MOV10L1: variants seen among roughly 807,000 people sequenced by gnomAD.
MOV10L1 encodes Mov10 like RNA helicase 1.
In MOV10L1, 110 loss-of-function variants were observed where a neutral mutation model predicts 143.8. The observed-to-expected ratio is 0.76, with a 90% CI of 0.66 to 0.90. MOV10L1 has a LOEUF of 0.90. Ranked by LOEUF, MOV10L1 falls within the 40% of genes least tolerant of loss-of-function variation. The pLI is 0.00. For missense variants in MOV10L1, 1,406 were observed against 1,526.8 expected (o/e 0.92, Z 1.32); for synonymous variants, 593 against 581.1 (o/e 1.02, Z -0.29).
chr22:50,127,632 G>A (rs6010139), intron 12 of MOV10L1, among the ~76,000 whole-genome samples: 142 of 152,332 alleles, frequency 9.3e-4, no homozygotes, highest in African/African-American at 3.2e-3. Context: ...AGAAGAGCTT[G>A]AGCTCCTTTT....
chr22:50,147,125 C>T (rs1277615906), intron 19 of MOV10L1: 2 of 1,586,898 alleles, frequency 1.3e-6, no homozygotes, highest in Non-Finnish European at 1.7e-6. Context: ...CTGCATGGAC[C>T]CTGCACCCTG....
chr22:50,133,948 C>A (rs1451629316), intron 13 of MOV10L1, 59 bp from the exon 14 acceptor site: 13 of 1,435,044 alleles, frequency 9.1e-6, no homozygotes, highest in Non-Finnish European at 1.3e-5. Flanking sequence ...TTACCTTATG[C>A]CAGCCTTAAT....
rs1054644205 is a variant in MOV10L1, at chr22:50,131,918, A to G, written c.1911-2089A>G. ...TATAAACAACAGAAATGTATTTCTC[A>G]TGCTCTGGAGGTCAGGAAGCCCAAG... is the stretch of plus-strand genomic sequence containing the variant. On this transcript the variant is annotated intron_variant, in intron 13 of 26. Coordinates refer to ENST00000262794, the MANE Select transcript of MOV10L1 (RefSeq NM_018995.3). 3.9e-5 allele frequency among the ~76,000 whole-genome samples: 6 copies of G among 152,294 alleles called. No individual in the cohort carries two copies. In the East Asian group the frequency reaches 1.2e-3, roughly 29 times the overall value.
At chr22:50,139,875 C>T (rs138260) in intron 15 of MOV10L1, among the ~76,000 whole-genome samples, 39,329 of 152,078 alleles carry the variant, frequency 0.26, 5,603 homozygotes, top group Non-Finnish European at 0.32. Flanking sequence ...TTGGTGAGCC[C>T]GTGGGGCCGC....
At position 50,148,292 on chromosome 22, in the gene MOV10L1, G is replaced by T. The variant is rs180727541; in HGVS notation, c.2628-1323G>T. On this transcript the variant is annotated intron_variant, in intron 19 of 26. Transcript: ENST00000262794. ...CTGACCACAGAGCAGAAGCTGCTGG[G>T]GTGGGCGAGCCAGGGAAGCCGGGGC... Among the ~76,000 whole-genome samples the T allele has an allele frequency of 2.7e-3, 409 of 152,362 alleles. 1 individual carries two copies. The highest frequency in any genetic ancestry group is 9.4e-3 in the African/African-American group (389 of 41,580).
In MOV10L1 at chr22:50,113,658, C is replaced by G. The variant is rs777373299; in HGVS notation, c.754C>G (p.Pro252Ala). 7.4e-6 allele frequency: 12 copies of G among 1,613,370 alleles called. No homozygotes were observed. The highest frequency in any genetic ancestry group is 1.3e-5 in the African/African-American group (1 of 74,838). Residue 252 changes from proline to alanine, a missense_variant, in exon 6 of 27, where the codon CCT becomes GCT. By Grantham distance (27) the Pro-to-Ala change is conservative (BLOSUM62 -1). This residue lies in a region of MOV10L1 where 1,233 missense variants were observed against 1,351.4 expected (regional missense o/e 0.91). Transcript: ENST00000262794. ...MTLVKRRDAA[P>A]VHEATHFYGT... ...GGGCTCTTTTTTCAGAGACGCCGCC[C>G]CTGTTCATGAGGCCACTCATTTCTA... is the stretch of plus-strand genomic sequence containing the variant.
chr22:50,156,340 T>G (rs977619415), intron 22 of MOV10L1, among the ~76,000 whole-genome samples: 1 of 152,108 alleles, frequency 6.6e-6, no homozygotes, highest in African/African-American at 2.4e-5. Context: ...GGTCTCGAAC[T>G]CTTGACCTCA....
intron 3 of MOV10L1, among the ~76,000 whole-genome samples, chr22:50,107,026 C>T (rs1166376712): frequency 6.7e-6 from 1 of 150,332 alleles, no homozygotes; most frequent in Admixed American, 6.6e-5. Context: ...TAAAATACTC[C>T]CTGACCTTGA....
chr22:50,114,392 A>T lies in MOV10L1; in HGVS notation c.896A>T (p.Asp299Val). 1 of 1,613,894 alleles carries T rather than the reference A, an allele frequency of 6.2e-7. No individual in the cohort carries two copies. The highest frequency in any genetic ancestry group is 8.5e-7 in the Non-Finnish European group (1 of 1,179,844). ...TMVIWIENKG[D>V]IPQNLVSCKL... ...TTGTATTTTTCCAGGAATAAAGGAG[A>T]CATTCCTCAAAACTTAGTCAGCTGT... The change falls in exon 7 of 27, where the codon GAC becomes GTC. Residue 299 changes from aspartate (D) to valine (V), a missense_variant. By Grantham distance (152) the Asp-to-Val change is radical. Coordinates refer to ENST00000262794, the MANE Select transcript of MOV10L1 (RefSeq NM_018995.3).
In MOV10L1 at chr22:50,143,101, T is replaced by C; in HGVS notation, c.2238T>C (p.Asn746=). The C allele has an allele frequency of 2.5e-6, 4 of 1,614,220 alleles. No individual in the cohort carries two copies. The South Asian group carries it at 3.3e-5, about 13-fold the overall frequency. ...TGGAGTTTTTCAACCCAGTGCTAAA[T>C]GAAAATCAGAAGTTAGCAGTTAAAA... is the stretch of plus-strand genomic sequence containing the variant. The part of the protein sequence containing the change: ...RKMEFFNPVL[N]ENQKLAVKRI... Residue 746 remains asparagine (N), a synonymous_variant, in exon 17 of 27, where the codon AAT becomes AAC. Coordinates refer to ENST00000262794, the MANE Select transcript of MOV10L1 (RefSeq NM_018995.3).
chr22:50,116,847 G>T (rs1032549179), intron 8 of MOV10L1, among the ~76,000 whole-genome samples: 2 of 151,734 alleles, frequency 1.3e-5, no homozygotes, highest in Non-Finnish European at 2.9e-5. Flanking sequence ...GCAGAGACAG[G>T]TTCATCCTAT....
chr22:50,144,591 T>TG (rs981086270), intron 18 of MOV10L1, among the ~76,000 whole-genome samples: 100 of 150,232 alleles, frequency 6.7e-4, no homozygotes, highest in Admixed American at 1.7e-3. Context: ...TGTTTTGTTT[T>TG]TTTTTTTTGA....
Position 50,090,046 on chromosome 22 carries a change from C to CGGCGGCAGCGGCGGT in MOV10L1, c.-41_-27dup. ...CGGGAGCGGCGCGGGCGCGTGCGGGCGGCGGCAGCGGCGGTGACGGCAGCC... is the reference window on the plus strand; with the variant it reads ...CGGGAGCGGCGCGGGCGCGTGCGGGCGGCGGCAGCGGCGGTGGCGGCAGCGGCGGTGACGGCAGCC... On this transcript the variant is annotated 5_prime_UTR_variant, in exon 1 of 27. Coordinates refer to ENST00000262794, the MANE Select transcript of MOV10L1 (RefSeq NM_018995.3). 1 of 1,198,248 alleles carries CGGCGGCAGCGGCGGT rather than the reference C, an allele frequency of 8.3e-7. No individual in the cohort carries two copies. The highest frequency in any genetic ancestry group is 1.0e-6 in the Non-Finnish European group (1 of 964,242). The allele number at this position is 1,198,248 out of a possible 1,614,324, so 74.2% of individuals were successfully genotyped here. A position where few individuals can be genotyped will look rare whatever the true frequency, so the allele number is the denominator to read the frequency against.
At position 50,143,055 on chromosome 22, in the gene MOV10L1, A is replaced by G. The variant is rs2063036177; in HGVS notation, c.2192A>G (p.Gln731Arg). The part of the protein sequence containing the change: ...AEMSDWVDEI[Q>R]TPKARKMEFF... ...ACTTTGAATACAGTAGATGAAATTCAGACCCCTAAAGCAAGAAAGATGGAG... is the reference window on the plus strand; with the variant it reads ...ACTTTGAATACAGTAGATGAAATTCGGACCCCTAAAGCAAGAAAGATGGAG... The change falls in exon 17 of 27, where the codon CAG becomes CGG. Residue 731 changes from glutamine to arginine, a missense_variant. By Grantham distance (43) the Gln-to-Arg change is conservative (BLOSUM62 1). Transcript: ENST00000262794. 1 of 1,613,852 alleles carries G rather than the reference A, an allele frequency of 6.2e-7. No individual in the cohort carries two copies. The highest frequency in any genetic ancestry group is 1.1e-5 in the South Asian group (1 of 91,086).
chr22:50,113,605 GGTGCT>G, intron 5 of MOV10L1, 38 bp from the exon 6 acceptor site: 1 of 1,601,798 alleles, frequency 6.2e-7, no homozygotes, highest in Non-Finnish European at 8.5e-7. Flanking sequence ...AGGAAGGGGT[GGTGCT>G]GCTGCAGAGG....
intron 1 of MOV10L1, among the ~76,000 whole-genome samples, chr22:50,091,767 A>T (rs1308460050): frequency 6.6e-6 from 1 of 152,152 alleles, no homozygotes; most frequent in African/African-American, 2.4e-5. Context: ...TGTCACCTCC[A>T]CAACCACTAC....
chr22:50,117,560 G>A (rs1265610799), intron 9 of MOV10L1, among the ~76,000 whole-genome samples: 1 of 152,168 alleles, frequency 6.6e-6, no homozygotes, highest in Non-Finnish European at 1.5e-5. Flanking sequence ...CTCTGCAGCT[G>A]CCCAGCAGCA....
rs1363643663 is a variant in MOV10L1, at chr22:50,090,136, G to A, written c.48G>A (p.Ala16=). ...TGGTGGCCTTCTTCTGGAGGACGGC[G>A]GACACCCCTAGGGAGGAAGCCGGGC... ...AKLVAFFWRT[A]DTPREEAGQL... is the part of the protein sequence containing the mutation. The change falls in exon 1 of 27, where the codon GCG becomes GCA. Residue 16 remains alanine (A), a synonymous_variant. Transcript: ENST00000262794. The A allele has an allele frequency of 2.2e-6, 3 of 1,381,766 alleles. No individual in the cohort carries two copies. Among genetic ancestry groups the A allele is most frequent in the South Asian group, 1.8e-5 (1 of 56,670 alleles). 85.6% of individuals were successfully genotyped at this position (1,381,766 alleles called of 1,614,324 possible). A position where few individuals can be genotyped will look rare whatever the true frequency, so the allele number is the denominator to read the frequency against.
chr22:50,160,691 C>T lies in MOV10L1; in HGVS notation c.3328C>T (p.Arg1110Trp), dbSNP rs369728929. ...EYLVIIISTV[R>W]SNEDRFEDDR... Reference sequence around the variant, plus strand: ...ATTCATCTCTGTGTGCTTTTAGGTACGGTCAAATGAAGATAGATTTGAAGA... The same window carrying T: ...ATTCATCTCTGTGTGCTTTTAGGTATGGTCAAATGAAGATAGATTTGAAGA... Residue 1110 changes from arginine to tryptophan, a missense_variant, in exon 25 of 27, where the codon CGG becomes TGG. Transcript: ENST00000262794. 42 of 1,613,156 alleles carry T rather than the reference C, an allele frequency of 2.6e-5. No individual in the cohort carries two copies. The highest frequency in any genetic ancestry group is 3.4e-5 in the Non-Finnish European group (40 of 1,179,638).
Sources: gnomAD v4.1 joint callset for allele counts (sites outside exome capture counted in the v4.1 genomes callset) on GRCh38, gnomAD v4.1.1 for gene constraint, gnomAD v4.1.1 regional missense constraint, MANE v1.5 for transcripts, NCBI Gene and HGNC (gene_info 2026-07-23, HGNC 2026-07-21) for gene names.